SGCZ: variants seen among roughly 807,000 people sequenced by gnomAD.
The protein encoded by SGCZ is sarcoglycan zeta.
Under a neutral mutation model 41.3 loss-of-function variants are expected in SGCZ, and 40 were observed. The ratio of observed to expected loss-of-function variants is 0.97; its 90% CI spans 0.75 to 1.26. The LOEUF (loss-of-function observed/expected upper bound fraction) is 1.26. SGCZ is among the 50% of genes most tolerant of loss of function. The probability of loss-of-function intolerance (pLI) is 0.00; values close to 1 mark genes in which losing one functional copy is unlikely to be tolerated. For synonymous variants in SGCZ, 206 were observed against 137.5 expected, an observed-to-expected ratio of 1.50 and a Z score of -3.49; for missense variants, 552 against 369.8, an observed-to-expected ratio of 1.49 and a Z score of -4.04.
intron 1 of SGCZ, among the ~76,000 whole-genome samples, chr8:14,634,285 C>G (rs1806755596): frequency 6.6e-6 from 1 of 151,668 alleles, no homozygotes; most frequent in Non-Finnish European, 1.5e-5. Flanking sequence ...AAACAGCATT[C>G]TTTGTTATTT....
chr8:14,997,500 T>C (rs1007614603), intron 1 of SGCZ, among the ~76,000 whole-genome samples: 1 of 152,218 alleles, frequency 6.6e-6, no homozygotes, highest in Admixed American at 6.5e-5. Context: ...TCACTTTTAT[T>C]ATGGCAAAAT....
chr8:14,638,174 C>T (rs1806898656), intron 1 of SGCZ, among the ~76,000 whole-genome samples: 1 of 151,756 alleles, frequency 6.6e-6, no homozygotes, highest in African/African-American at 2.4e-5. Context: ...GAGACATAGC[C>T]AAAGATTCTT....
intron 1 of SGCZ, among the ~76,000 whole-genome samples, chr8:14,735,570 C>T (rs1005324619): frequency 7.2e-5 from 11 of 152,162 alleles, no homozygotes; most frequent in Non-Finnish European, 1.6e-4. Flanking sequence ...CTATTGGCTT[C>T]CCTACTTTTG....
At chr8:14,477,365 G>A (rs1446216784) in intron 2 of SGCZ, among the ~76,000 whole-genome samples, 3 of 152,096 alleles carry the variant, frequency 2.0e-5, no homozygotes, top group Admixed American at 2.0e-4. Flanking sequence ...GCTCATTAAT[G>A]AATGTTAATA....
intron 1 of SGCZ, among the ~76,000 whole-genome samples, chr8:14,856,114 G>A (rs892549901): frequency 6.6e-6 from 1 of 152,178 alleles, no homozygotes; most frequent in Non-Finnish European, 1.5e-5. Context: ...TCGAGGATAG[G>A]ATTAAGGATG....
intron 2 of SGCZ, among the ~76,000 whole-genome samples, chr8:14,455,100 G>T (rs1055894080): frequency 6.6e-6 from 1 of 151,978 alleles, no homozygotes; most frequent in African/African-American, 2.4e-5. Flanking sequence ...TAATAAGAGG[G>T]AGAAAATATA....
At chr8:14,895,401 C>G (rs1363246716) in intron 1 of SGCZ, among the ~76,000 whole-genome samples, 1 of 152,060 alleles carries the variant, frequency 6.6e-6, no homozygotes, top group African/African-American at 2.4e-5. Context: ...CAATGCACAT[C>G]TGTGTGTGTT....
intron 2 of SGCZ, among the ~76,000 whole-genome samples, chr8:14,354,028 T>G (rs1803200140): frequency 6.6e-6 from 1 of 152,070 alleles, no homozygotes; most frequent in Admixed American, 6.6e-5. Flanking sequence ...TTGTATTAAT[T>G]GTCTCCTATT....
intron 3 of SGCZ, among the ~76,000 whole-genome samples, chr8:14,284,871 T>A (rs1420561918): frequency 6.6e-6 from 1 of 152,184 alleles, no homozygotes; most frequent in Non-Finnish European, 1.5e-5. Context: ...ATCTGTATGT[T>A]TTTTCTGTTG....
intron 1 of SGCZ, among the ~76,000 whole-genome samples, chr8:14,598,799 GATTACA>G (rs1805496277): frequency 6.6e-6 from 1 of 152,006 alleles, no homozygotes; most frequent in Non-Finnish European, 1.5e-5. Context: ...AACATGCTGA[GATTACA>G]GGTATGAGGC....
intron 2 of SGCZ, among the ~76,000 whole-genome samples, chr8:14,445,093 G>A (rs1384927741): frequency 1.3e-5 from 2 of 152,228 alleles, no homozygotes; most frequent in African/African-American, 2.4e-5. Context: ...CAGTGGTGAT[G>A]CTTTCAGAGA....
At position 15,192,654 on chromosome 8, in the gene SGCZ, T is replaced by C. The variant is rs73665400; in HGVS notation, c.39+44931A>G. ...GCCAAACTCATCAACAGATCCCATA[T>C]GCCATGCATAAAACAAACCACCTTC... On this transcript the variant is annotated intron_variant, in intron 1 of 7. Coordinates refer to ENST00000382080, the MANE Select transcript of SGCZ (RefSeq NM_139167.4). Among the ~76,000 whole-genome samples the C allele has an allele frequency of 4.3e-3, 654 of 152,228 alleles. 3 individuals are homozygous for C. Among genetic ancestry groups the C allele is most frequent in the African/African-American group, 0.015 (632 of 41,494 alleles).
chr8:14,371,970 G>A (rs1439504349), intron 2 of SGCZ, among the ~76,000 whole-genome samples: 2 of 151,960 alleles, frequency 1.3e-5, no homozygotes, highest in Non-Finnish European at 2.9e-5. Flanking sequence ...GAGAACTAGA[G>A]AAGAAAACAA....
At chr8:14,776,550 G>T (rs1474416822) in intron 1 of SGCZ, among the ~76,000 whole-genome samples, 4 of 126,226 alleles carry the variant, frequency 3.2e-5, no homozygotes, top group African/African-American at 6.0e-5. Context: ...ATGGAGTCTC[G>T]GTCTGTCGCC....
intron 2 of SGCZ, among the ~76,000 whole-genome samples, chr8:14,516,566 A>C (rs1173122271): frequency 6.6e-6 from 1 of 152,080 alleles, no homozygotes; most frequent in Non-Finnish European, 1.5e-5. Flanking sequence ...GTTTCTTTTC[A>C]CAAACACCTG....
chr8:15,068,171 G>T (rs1173346286), intron 1 of SGCZ, among the ~76,000 whole-genome samples: 1 of 152,160 alleles, frequency 6.6e-6, no homozygotes, highest in African/African-American at 2.4e-5. Flanking sequence ...AAGAAAATAA[G>T]GAGTAGAGGA....
At chr8:14,674,115 T>C (rs938289861) in intron 1 of SGCZ, among the ~76,000 whole-genome samples, 2 of 152,046 alleles carry the variant, frequency 1.3e-5, no homozygotes, top group South Asian at 4.1e-4. Context: ...TTCAATAAAG[T>C]ATAACTCAGA....
intron 3 of SGCZ, among the ~76,000 whole-genome samples, chr8:14,310,908 T>G (rs1801518468): frequency 6.6e-6 from 1 of 152,036 alleles, no homozygotes; most frequent in African/African-American, 2.4e-5. Flanking sequence ...CCCTTGAAAC[T>G]TGAGAATTTC....
intron 2 of SGCZ, among the ~76,000 whole-genome samples, chr8:14,411,167 A>T (rs1799350437): frequency 6.6e-6 from 1 of 152,146 alleles, no homozygotes; most frequent in African/African-American, 2.4e-5. Flanking sequence ...TCAAATTAGA[A>T]ATAATTTTCA....
Sources: gnomAD v4.1 joint callset for allele counts (sites outside exome capture counted in the v4.1 genomes callset) on GRCh38, gnomAD v4.1.1 for gene constraint, MANE v1.5 for transcripts, NCBI Gene and HGNC (gene_info 2026-07-23, HGNC 2026-07-21) for gene names.